AFAP1: variants seen among roughly 807,000 people sequenced by gnomAD.
AFAP1 encodes the protein actin filament-associated protein 1.
AFAP1 carries 75 observed loss-of-function variants against 93.9 expected under a neutral mutation model. That is an observed-to-expected ratio of 0.80 (90% confidence interval 0.66 to 0.97). The LOEUF is 0.97. Among genes scored for constraint, AFAP1 ranks in the 50% least tolerant of loss-of-function variants. The pLI is 0.00. For missense variants in AFAP1, 1,201 were observed against 1,050.8 expected (o/e 1.14, Z -1.98); for synonymous variants, 517 against 430.7 (o/e 1.20, Z -2.48).
chr4:7,767,226 C>A (rs1714726184), intron 17 of AFAP1, among the ~76,000 whole-genome samples: 1 of 152,186 alleles, frequency 6.6e-6, no homozygotes, highest in Non-Finnish European at 1.5e-5. Flanking sequence ...GGACAGCTGG[C>A]TGTGCATCTG....
intron 6 of AFAP1, among the ~76,000 whole-genome samples, chr4:7,826,965 A>G (rs1012327422): frequency 6.6e-6 from 1 of 152,258 alleles, no homozygotes; most frequent in African/African-American, 2.4e-5. Context: ...TAAAATAACT[A>G]AAATAAAACA....
At chr4:7,802,150 T>C (rs1273998842) in intron 9 of AFAP1, among the ~76,000 whole-genome samples, 1 of 152,204 alleles carries the variant, frequency 6.6e-6, no homozygotes, top group Non-Finnish European at 1.5e-5. Context: ...GTCTAAATTT[T>C]CATTGGCTGA....
intron 1 of AFAP1, among the ~76,000 whole-genome samples, chr4:7,910,904 C>T (rs1719687792): frequency 6.6e-6 from 1 of 152,216 alleles, no homozygotes; most frequent in African/African-American, 2.4e-5. Context: ...CGACTGGGCC[C>T]TCCATGCCAC....
intron 1 of AFAP1, among the ~76,000 whole-genome samples, chr4:7,936,513 C>T (rs530147537): frequency 2.0e-5 from 3 of 151,636 alleles, no homozygotes; most frequent in Admixed American, 2.0e-4. Context: ...GAATTAATTA[C>T]CATATTCCTT....
chr4:7,897,718 T>G (rs1439588826), intron 1 of AFAP1, among the ~76,000 whole-genome samples: 1 of 152,060 alleles, frequency 6.6e-6, no homozygotes, highest in East Asian at 1.9e-4. Flanking sequence ...GAGATGGGGC[T>G]TCACCATGTT....
chr4:7,793,837 G>A lies in AFAP1; in HGVS notation c.1267-11C>T. ...TTCAGAAGAAGATGCCTGTTGAAGT[G>A]GGAAAAAAGGTAGGCTGTATTTAAC... is the stretch of plus-strand genomic sequence containing the variant. On this transcript the variant is annotated splice_polypyrimidine_tract_variant and intron_variant, in intron 10 of 17. Transcript: ENST00000420658. 6.6e-7 allele frequency: 1 copy of A among 1,512,142 alleles called. No homozygotes were observed. The highest frequency in any genetic ancestry group is 9.0e-7 in the Non-Finnish European group (1 of 1,115,412). The allele number at this position is 1,512,142 out of a possible 1,614,324, so 93.7% of individuals were successfully genotyped here.
intron 12 of AFAP1, among the ~76,000 whole-genome samples, chr4:7,785,220 C>G (rs964902367): frequency 3.3e-5 from 5 of 152,184 alleles, no homozygotes; most frequent in East Asian, 1.9e-4. Context: ...CACCGTAGAA[C>G]CAGCACTTGA....
At chr4:7,928,417 T>G (rs1488443454) in intron 1 of AFAP1, among the ~76,000 whole-genome samples, 1 of 152,120 alleles carries the variant, frequency 6.6e-6, no homozygotes, top group Non-Finnish European at 1.5e-5. Flanking sequence ...AGACAGTCTC[T>G]CTCTCTGTCG....
intron 1 of AFAP1, among the ~76,000 whole-genome samples, chr4:7,914,780 G>A (rs935451315): frequency 5.3e-5 from 8 of 152,096 alleles, no homozygotes; most frequent in Non-Finnish European, 8.8e-5. Context: ...CAGTCTCACT[G>A]TTGCCCAGGC....
At chr4:7,811,231 T>C (rs1049736069) in intron 8 of AFAP1, among the ~76,000 whole-genome samples, 2 of 151,566 alleles carry the variant, frequency 1.3e-5, no homozygotes, top group African/African-American at 4.8e-5. Flanking sequence ...CCCCTTCATC[T>C]CCAGCATGAA....
chr4:7,785,749 C>A (rs1291062119), intron 12 of AFAP1, among the ~76,000 whole-genome samples: 1 of 151,954 alleles, frequency 6.6e-6, no homozygotes, highest in Admixed American at 6.5e-5. Context: ...CTGGCCTTGC[C>A]AATATAGGGA....
At chr4:7,768,198 C>T (rs541065351) in intron 17 of AFAP1, among the ~76,000 whole-genome samples, 32 of 152,388 alleles carry the variant, frequency 2.1e-4, no homozygotes, top group African/African-American at 5.0e-4. Context: ...CTCACACCAT[C>T]GCACTCCGTG....
intron 1 of AFAP1, among the ~76,000 whole-genome samples, chr4:7,927,035 T>C (rs1720806693): frequency 1.3e-5 from 2 of 152,222 alleles, no homozygotes; most frequent in African/African-American, 4.8e-5. Context: ...CCTTTTGTCC[T>C]GGCAAAATGA....
intron 14 of AFAP1, chr4:7,778,443 T>G (rs1376164229): frequency 7.0e-6 from 3 of 429,992 alleles, no homozygotes; most frequent in Non-Finnish European, 1.3e-5. Flanking sequence ...GGACAGGAGC[T>G]GAGGTCTCCT....
At chr4:7,816,202 G>T (rs1382801919) in intron 7 of AFAP1, 103 bp from the exon 8 acceptor site, 3 of 974,242 alleles carry the variant, frequency 3.1e-6, no homozygotes, top group South Asian at 1.5e-5. Flanking sequence ...AGAAAACACA[G>T]GCCAAATTCA....
At chr4:7,866,812 G>A (rs114913532) in intron 3 of AFAP1, among the ~76,000 whole-genome samples, 2,400 of 151,658 alleles carry the variant, frequency 0.016, 40 homozygotes, top group African/African-American at 0.046. Flanking sequence ...CAAGGCAGGA[G>A]GATCACTGAA....
chr4:7,789,348 T>G lies in AFAP1; in HGVS notation c.1413-3037A>C, dbSNP rs900452777. Among the ~76,000 whole-genome samples the G allele has an allele frequency of 9.9e-5, 15 of 152,154 alleles. 1 individual carries two copies. The highest frequency in any genetic ancestry group is 3.6e-4 in the African/African-American group (15 of 41,486). On this transcript the variant is annotated intron_variant, in intron 11 of 17. Transcript: ENST00000420658. ...ACCTCCCGGGACTCCGAGGAAAGGG[T>G]GGCCAAGAGAACTGCCTCCCATCTG... is the stretch of plus-strand genomic sequence containing the variant.
At position 7,868,619 on chromosome 4, in the gene AFAP1, C is replaced by T. The variant is rs748296069; in HGVS notation, c.225+3G>A. 5.6e-6 allele frequency: 9 copies of T among 1,610,640 alleles called. No individual in the cohort carries two copies. The African/African-American group carries it at 1.2e-4, about 22-fold the overall frequency. The stretch of plus-strand genomic sequence containing the variant: ...CCACTGAGATGGTGGGACCTTGACT[C>T]ACCAGCCAGGGCTGAGGGATCTCCG... On this transcript the variant is annotated splice_donor_region_variant and intron_variant, in intron 3 of 17. Transcript: ENST00000420658.
At position 7,778,871 on chromosome 4, in the gene AFAP1, C is replaced by T; in HGVS notation, c.1788G>A (p.Lys596=). 6.2e-7 allele frequency: 1 copy of T among 1,606,030 alleles called. No individual in the cohort carries two copies. Among genetic ancestry groups the T allele is most frequent in the Non-Finnish European group, 8.5e-7 (1 of 1,173,246 alleles). The part of the protein sequence containing the change: ...RASLGLNSQL[K]GKKPPVASNG... ...TAGACGCCACGGGGGGCTTTTTACCCTTGAGCTGTTGAAATAAACATATAA... is the reference window on the plus strand; with the variant it reads ...TAGACGCCACGGGGGGCTTTTTACCTTTGAGCTGTTGAAATAAACATATAA... Residue 596 remains lysine (K), a synonymous_variant, in exon 14 of 18, where the codon AAG becomes AAA. Coordinates refer to ENST00000420658, the MANE Select transcript of AFAP1 (RefSeq NM_001134647.2).
Sources: allele counts gnomAD v4.1 joint callset (sites outside exome capture counted in the v4.1 genomes callset), GRCh38; gene constraint gnomAD v4.1.1; transcripts MANE v1.5; gene names NCBI Gene and HGNC (gene_info 2026-07-23, HGNC 2026-07-21).